Variants in NADK observed in about 807,000 individuals in gnomAD.
NADK encodes NAD kinase.
Under a neutral mutation model 49.8 loss-of-function variants are expected in NADK, and 22 were observed. The observed-to-expected ratio is 0.44, with a 90% CI of 0.32 to 0.63. The LOEUF (loss-of-function observed/expected upper bound fraction) is 0.63, where lower values mean the gene tolerates loss of function less well. Ranked by LOEUF, NADK falls within the 30% of genes least tolerant of loss-of-function variation. The pLI is 0.06. For missense variants in NADK, 438 were observed against 609.4 expected, an observed-to-expected ratio of 0.72 and a Z score of 2.96; for synonymous variants, 268 against 253.7, an observed-to-expected ratio of 1.06 and a Z score of -0.54.
intron 1 of NADK, among the ~76,000 whole-genome samples, chr1:1,771,362 C>T (rs964945520): frequency 6.6e-6 from 1 of 152,014 alleles, no homozygotes; most frequent in African/African-American, 2.4e-5. Context: ...CATCAAAAGC[C>T]AAGCAGGCTT....
At chr1:1,769,340 T>A (rs1645977868) in intron 1 of NADK, among the ~76,000 whole-genome samples, 1 of 152,020 alleles carries the variant, frequency 6.6e-6, no homozygotes, top group African/African-American at 2.4e-5. Flanking sequence ...TGAGGTCAGA[T>A]GTTTGTGACC....
Position 1,755,641 on chromosome 1 carries a change from A to G in NADK, c.586-165T>C, listed in dbSNP as rs559813686. On this transcript the variant is annotated intron_variant, in intron 6 of 11. Coordinates refer to ENST00000341426, the MANE Select transcript of NADK (RefSeq NM_023018.5). ...CAAGCGGAGGGGGACGTCGCAGGCC[A>G]GGGTGGGCCGGGCCACCAGGGCCAA... Among the ~76,000 whole-genome samples, 11 of 151,956 alleles carry G rather than the reference A, an allele frequency of 7.2e-5. No individual in the cohort carries two copies. The South Asian group carries it at 1.5e-3, about 20-fold the overall frequency.
rs1344755887 is a variant in NADK, at chr1:1,753,662, C to T, written c.1102-13G>A. 4 of 1,597,618 alleles carry T rather than the reference C, an allele frequency of 2.5e-6. No homozygotes were observed. The highest frequency in any genetic ancestry group is 3.4e-6 in the Non-Finnish European group (4 of 1,169,566). On this transcript the variant is annotated splice_polypyrimidine_tract_variant and intron_variant, in intron 10 of 11. Coordinates refer to ENST00000341426, the MANE Select transcript of NADK (RefSeq NM_023018.5). ...GTGACAGCATGATCTGAGGGTCAAG[C>T]AGGGAGAGGTGTGGGCCCCCAGCTG...
At chr1:1,771,486 A>G (rs1646050792) in intron 1 of NADK, among the ~76,000 whole-genome samples, 1 of 152,204 alleles carries the variant, frequency 6.6e-6, no homozygotes, top group Admixed American at 6.6e-5. Context: ...TGACTTGTTG[A>G]AAAACTACGG....
rs116741728 is a variant in NADK at position 1,754,520 on chromosome 1, C to T, written c.843+24G>A. On this transcript the variant is annotated intron_variant, in intron 8 of 11. Coordinates refer to ENST00000341426, the MANE Select transcript of NADK (RefSeq NM_023018.5). This position sits in a 1 kb window ranked among gnomAD's most constrained non-coding sequence, Gnocchi z 4.3. ...AGTCGCCCCACCCTGGGCCCCTCAC[C>T]GAGGCCGAGGCGCCTCCACTCACCT... is the stretch of plus-strand genomic sequence containing the variant. 2.0e-3 allele frequency: 3,196 copies of T among 1,598,326 alleles called. 66 individuals carry two copies. The African/African-American group carries it at 0.038, about 19-fold the overall frequency.
intron 1 of NADK, among the ~76,000 whole-genome samples, chr1:1,766,861 C>T (rs573705800): frequency 6.6e-6 from 1 of 152,016 alleles, no homozygotes; most frequent in Non-Finnish European, 1.5e-5. Flanking sequence ...CCCAACTCAG[C>T]CTCCCAACAC....
At chr1:1,775,800 A>C (rs1424068664) in intron 1 of NADK, among the ~76,000 whole-genome samples, 1 of 152,154 alleles carries the variant, frequency 6.6e-6, no homozygotes, top group Non-Finnish European at 1.5e-5. Context: ...TCACTTCCCC[A>C]TTCCCATGCA....
At chr1:1,753,499 AG>A in intron 11 of NADK, 67 bp downstream of exon 11, 1 of 1,360,704 alleles carries the variant, frequency 7.3e-7, no homozygotes, top group Non-Finnish European at 1.0e-6. Context: ...CAACCGCAAG[AG>A]GGCAGGCGCT....
intron 3 of NADK, chr1:1,759,307 G>C (rs1270696670): frequency 4.8e-6 from 7 of 1,470,132 alleles, no homozygotes; most frequent in Non-Finnish European, 6.3e-6. Context: ...GGAGAGGGCA[G>C]GGGGTGGCGT....
At chr1:1,759,231 C>T (rs1273254162) in intron 3 of NADK, 1 of 1,572,666 alleles carries the variant, frequency 6.4e-7, no homozygotes, top group South Asian at 1.2e-5. Context: ...GCCTCGACCT[C>T]TTCCTGGGTC....
chr1:1,753,678 C>G (rs1463159241), intron 10 of NADK, 29 bp from the exon 11 acceptor site: 7 of 1,573,276 alleles, frequency 4.4e-6, no homozygotes, highest in Non-Finnish European at 6.1e-6. Context: ...GAGGTGTGGG[C>G]CCCCAGCTGT....
At chr1:1,755,751 G>A (rs1645497873) in intron 6 of NADK, among the ~76,000 whole-genome samples, 1 of 152,190 alleles carries the variant, frequency 6.6e-6, no homozygotes, top group Admixed American at 6.5e-5. Flanking sequence ...GCTGGCGAGG[G>A]CGGGTGGGAG....
intron 3 of NADK, chr1:1,758,408 C>T (rs1645601137): frequency 3.7e-6 from 6 of 1,611,820 alleles, no homozygotes; most frequent in African/African-American, 1.3e-5. Flanking sequence ...CTCATGCCAT[C>T]CCCTATGAGC....
At chr1:1,759,651 G>C in intron 3 of NADK, 2 of 1,434,962 alleles carry the variant, frequency 1.4e-6, no homozygotes, top group Non-Finnish European at 1.9e-6. Flanking sequence ...TATGATCCCA[G>C]AGACACAGAG....
chr1:1,757,148 A>AAC (rs1553183926), intron 4 of NADK, 33 bp downstream of exon 4: 355 of 858,778 alleles, frequency 4.1e-4, no homozygotes, highest in Admixed American at 2.2e-3. Context: ...CTCCATGTGC[A>AAC]CCCCAGGCCC....
At chr1:1,771,056 AT>A (rs1245220497) in intron 1 of NADK, among the ~76,000 whole-genome samples, 4,500 of 126,036 alleles carry the variant, frequency 0.036, 82 homozygotes, top group East Asian at 0.065. Flanking sequence ...AAAAAAAAAA[AT>A]ATATATATAT....
In NADK at chr1:1,778,041, C is replaced by A. The variant is rs1316684687; in HGVS notation, c.-41+248G>T. ...GGGCTGGACGGCCCCACCTTCCCCGCCCGGGAGAGCCAGGCCGGACAGCGG... is the reference window on the plus strand; with the variant it reads ...GGGCTGGACGGCCCCACCTTCCCCGACCGGGAGAGCCAGGCCGGACAGCGG... On this transcript the variant is annotated intron_variant, in intron 1 of 11. Coordinates refer to ENST00000341426, the MANE Select transcript of NADK (RefSeq NM_023018.5). This position sits in a 1 kb window ranked among gnomAD's most constrained non-coding sequence, Gnocchi z 4.9. Among the ~76,000 whole-genome samples, 3 of 152,202 alleles carry A rather than the reference C, an allele frequency of 2.0e-5. No individual in the cohort carries two copies. The East Asian group carries it at 5.8e-4, about 29-fold the overall frequency.
chr1:1,755,080 C>A (rs149999285), intron 7 of NADK, among the ~76,000 whole-genome samples: 1,560 of 152,296 alleles, frequency 0.01, 26 homozygotes, highest in African/African-American at 0.036. Context: ...CGACCTCCCA[C>A]AGTGCTGGGA....
chr1:1,771,191 G>T (rs1457131404), intron 1 of NADK, among the ~76,000 whole-genome samples: 2 of 150,860 alleles, frequency 1.3e-5, no homozygotes, highest in East Asian at 3.9e-4. Context: ...TTTGGCAAAA[G>T]ACATGTCAGA....
Sources: gnomAD v4.1 joint callset for allele counts (sites outside exome capture counted in the v4.1 genomes callset) on GRCh38, gnomAD v4.1.1 for gene constraint, Gnocchi (gnomAD v3.1) non-coding constraint, MANE v1.5 for transcripts, NCBI Gene and HGNC (gene_info 2026-07-23, HGNC 2026-07-21) for gene names.